SKI: variants seen among roughly 807,000 people sequenced by gnomAD.
The protein encoded by SKI is ski oncogene.
In SKI, 23 loss-of-function variants were observed where a neutral mutation model predicts 59.3. The observed-to-expected ratio is 0.39, with a 90% confidence interval of 0.28 to 0.55. The LOEUF (loss-of-function observed/expected upper bound fraction) is 0.55, where lower values mean the gene tolerates loss of function less well. Among genes scored for constraint, SKI ranks in the 20% least tolerant of loss-of-function variants. SKI has a pLI of 0.67. For missense variants in SKI, 1,017 were observed against 1,038.9 expected (o/e 0.98, Z 0.29); for synonymous variants, 673 against 488.6 (o/e 1.38, Z -4.98).
Position 2,229,014 on chromosome 1 carries a change from C to T in SKI, c.248C>T (p.Pro83Leu), listed in dbSNP as rs1060502672. 2 of 1,586,320 alleles carry T rather than the reference C, an allele frequency of 1.3e-6. No homozygotes were observed. Among genetic ancestry groups the T allele is most frequent in the Non-Finnish European group, 1.7e-6 (2 of 1,172,774 alleles). ...CACCTGCCCGCCATCCAGCCGCCGC[C>T]GCCCGTGCTGCCCGGGCCCTTCTTC... ...VLHLPAIQPP[P>L]PVLPGPFFMP... The change falls in exon 1 of 7, where the codon CCG becomes CTG. Residue 83 changes from proline (P) to leucine (L), a missense_variant. Pro to Leu is a moderately conservative substitution (Grantham distance 98). Transcript: ENST00000378536. This position sits in a 1 kb window ranked among gnomAD's most constrained non-coding sequence, Gnocchi z 6.3.
rs1638550289 is a variant in SKI, at chr1:2,228,440, C to T, written c.-327C>T. Reference sequence around the variant, plus strand: ...AGCGTTGGCGTTGGCGTTGGCGGCGCGCGCCGGGGCATGCCCCGCGCCTAG... The same window carrying T: ...AGCGTTGGCGTTGGCGTTGGCGGCGTGCGCCGGGGCATGCCCCGCGCCTAG... On this transcript the variant is annotated 5_prime_UTR_variant, in exon 1 of 7. Transcript: ENST00000378536. Among the ~76,000 whole-genome samples the T allele has an allele frequency of 7.0e-6, 1 of 141,950 alleles. No homozygotes were observed. Among genetic ancestry groups the T allele is most frequent in the African/African-American group, 2.5e-5 (1 of 39,590 alleles). The allele number at this position is 141,950 out of a possible 152,430, so 93.1% of individuals were successfully genotyped here.
chr1:2,236,965 A>G (rs986051572), intron 1 of SKI, among the ~76,000 whole-genome samples: 2 of 152,076 alleles, frequency 1.3e-5, no homozygotes, highest in Admixed American at 6.5e-5. Context: ...GTTTCAGAGA[A>G]ACGCAGCTCA....
intron 1 of SKI, among the ~76,000 whole-genome samples, chr1:2,276,678 G>C (rs762609785): frequency 6.6e-6 from 1 of 152,238 alleles, no homozygotes; most frequent in Non-Finnish European, 1.5e-5. Context: ...GCTTTAGGCC[G>C]TGCACCCCAA....
chr1:2,255,526 C>T (rs149005922), intron 1 of SKI, among the ~76,000 whole-genome samples: 4 of 151,688 alleles, frequency 2.6e-5, no homozygotes, highest in Non-Finnish European at 4.4e-5. Context: ...TGTGTCCTGA[C>T]CTCATTTCCT....
chr1:2,305,941 G>A, intron 5 of SKI, 79 bp from the exon 6 acceptor site: 1 of 1,104,938 alleles, frequency 9.1e-7, no homozygotes, highest in African/African-American at 1.5e-5. Context: ...CCCACGGGGT[G>A]GGCTGAGGAC....
At chr1:2,262,522 C>T (rs555951692) in intron 1 of SKI, among the ~76,000 whole-genome samples, 3 of 151,418 alleles carry the variant, frequency 2.0e-5, no homozygotes, top group Non-Finnish European at 4.4e-5. Context: ...CGCCCTCGCT[C>T]CTGATCTCCT....
At chr1:2,263,166 G>T (rs1639424048) in intron 1 of SKI, among the ~76,000 whole-genome samples, 1 of 151,800 alleles carries the variant, frequency 6.6e-6, no homozygotes, top group Non-Finnish European at 1.5e-5. Flanking sequence ...CTCCCAAAGT[G>T]CTGGGATTAC....
rs1640478126 is a variant in SKI, at chr1:2,303,418, AC to A, written c.1211+19del. 6.3e-7 allele frequency: 1 copy of A among 1,599,302 alleles called. No individual in the cohort carries two copies. On this transcript the variant is annotated intron_variant, in intron 3 of 6. Coordinates refer to ENST00000378536, the MANE Select transcript of SKI (RefSeq NM_003036.4). This position sits in a 1 kb window ranked among gnomAD's most constrained non-coding sequence, Gnocchi z 5.6. ...CGAGACAGGTGAGTGGGCGCCATTCACAGGTGTTTCTGATCACGGGGGAGGC... is the reference window on the plus strand; with the variant it reads ...CGAGACAGGTGAGTGGGCGCCATTCAAGGTGTTTCTGATCACGGGGGAGGC...
intron 1 of SKI, among the ~76,000 whole-genome samples, chr1:2,297,503 C>T (rs769370046): frequency 3.3e-5 from 5 of 152,200 alleles, no homozygotes; most frequent in Admixed American, 1.3e-4. Context: ...GCGATCCTGC[C>T]GCTCCACCTG....
chr1:2,295,928 C>T (rs950411047), intron 1 of SKI, among the ~76,000 whole-genome samples: 4 of 152,178 alleles, frequency 2.6e-5, no homozygotes, highest in Admixed American at 6.5e-5. Context: ...TTTTCAGTAA[C>T]CTGCGTGTAC....
Position 2,268,607 on chromosome 1 carries a change from G to A in SKI, c.970-34371G>A, listed in dbSNP as rs1251769825. Among the ~76,000 whole-genome samples the A allele has an allele frequency of 6.6e-6, 1 of 152,234 alleles. No individual in the cohort carries two copies. The highest frequency in any genetic ancestry group is 6.5e-5 in the Admixed American group (1 of 15,290). On this transcript the variant is annotated intron_variant, in intron 1 of 6. Coordinates refer to ENST00000378536, the MANE Select transcript of SKI (RefSeq NM_003036.4). The surrounding 1 kb of genome is among the most constrained non-coding windows in gnomAD (Gnocchi z 5.0). The stretch of plus-strand genomic sequence containing the variant: ...CAAGGTGAATTTTCTTGGCTGGCTT[G>A]ACAGGTCCCCCTTTCCCTCACCATG...
intron 1 of SKI, among the ~76,000 whole-genome samples, chr1:2,280,367 G>A (rs1639846110): frequency 6.9e-6 from 1 of 144,222 alleles, no homozygotes. Flanking sequence ...CAGAGCAAGC[G>A]TCTGTCTCAA....
Position 2,305,936 on chromosome 1 carries a change from G to A in SKI, c.1768-84G>A, listed in dbSNP as rs533033864. 3.2e-4 allele frequency: 337 copies of A among 1,062,876 alleles called. 3 individuals are homozygous for A. The South Asian group carries it at 4.2e-3, about 13-fold the overall frequency. The allele number at this position is 1,062,876 out of a possible 1,614,324, so 65.8% of individuals were successfully genotyped here. On this transcript the variant is annotated intron_variant, in intron 5 of 6. Coordinates refer to ENST00000378536, the MANE Select transcript of SKI (RefSeq NM_003036.4). ...CACATTGTCAGATAGATGACCCCAC[G>A]GGGTGGGCTGAGGACTGCTGGTCAT...
intron 1 of SKI, among the ~76,000 whole-genome samples, chr1:2,259,923 C>T (rs1352654399): frequency 2.0e-5 from 3 of 152,194 alleles, no homozygotes; most frequent in South Asian, 4.1e-4. Flanking sequence ...CCCGTTGGAG[C>T]GTGTGGAGTG....
In SKI at chr1:2,229,318, C is replaced by A; in HGVS notation, c.552C>A (p.Arg184=). The change falls in exon 1 of 7, where the codon CGC becomes CGA. Residue 184 remains arginine (R), a synonymous_variant. Transcript: ENST00000378536. This position sits in a 1 kb window ranked among gnomAD's most constrained non-coding sequence, Gnocchi z 6.3. Reference sequence around the variant, plus strand: ...TCATCACCAAGACGGACGCCGAGCGCCTGTGCAACGCGCTGCTCTACGGCG... The same window carrying A: ...TCATCACCAAGACGGACGCCGAGCGACTGTGCAACGCGCTGCTCTACGGCG... ...CGLITKTDAE[R]LCNALLYGGA... is the part of the protein sequence containing the mutation. 4 of 1,596,902 alleles carry A rather than the reference C, an allele frequency of 2.5e-6. No individual in the cohort carries two copies. The highest frequency in any genetic ancestry group is 3.4e-6 in the Non-Finnish European group (4 of 1,172,672).
intron 5 of SKI, among the ~76,000 whole-genome samples, chr1:2,305,745 C>A (rs1053154054): frequency 2.0e-5 from 3 of 152,194 alleles, no homozygotes; most frequent in South Asian, 2.1e-4. Context: ...GCCCTAGATA[C>A]CGGGGGAGGC....
chr1:2,284,875 T>G (rs930713969), intron 1 of SKI, among the ~76,000 whole-genome samples: 1 of 152,240 alleles, frequency 6.6e-6, no homozygotes, highest in Admixed American at 6.5e-5. Context: ...CTGACCCTGC[T>G]CCGCAGTGCA....
intron 1 of SKI, among the ~76,000 whole-genome samples, chr1:2,239,768 G>A (rs1010120029): frequency 3.9e-5 from 6 of 152,216 alleles, no homozygotes; most frequent in Non-Finnish European, 5.9e-5. Flanking sequence ...CAGCTTTCAC[G>A]GCTCCGGGGC....
chr1:2,303,642 G>A lies in SKI; in HGVS notation c.1212-198G>A. On this transcript the variant is annotated intron_variant, in intron 3 of 6. Coordinates refer to ENST00000378536, the MANE Select transcript of SKI (RefSeq NM_003036.4). The surrounding 1 kb of genome is among the most constrained non-coding windows in gnomAD (Gnocchi z 5.6). The stretch of plus-strand genomic sequence containing the variant: ...CTGGGCGCAGCTTCTTGATGTGTTG[G>A]CCTGTGTCTGGCCTTCGCAAGAGAC... 1.3e-6 allele frequency: 1 copy of A among 762,230 alleles called. No homozygotes were observed. The highest frequency in any genetic ancestry group is 2.4e-5 in the Admixed American group (1 of 41,156). The allele number at this position is 762,230 out of a possible 1,614,324, so 47.2% of individuals were successfully genotyped here.
Sources: allele counts gnomAD v4.1 joint callset (sites outside exome capture counted in the v4.1 genomes callset), GRCh38; gene constraint gnomAD v4.1.1; non-coding constraint Gnocchi (gnomAD v3.1); transcripts MANE v1.5; gene names NCBI Gene and HGNC (gene_info 2026-07-23, HGNC 2026-07-21).